LDAH: variants seen among roughly 807,000 people sequenced by gnomAD.
LDAH encodes lipid droplet-associated hydrolase.
LDAH carries 26 observed loss-of-function variants against 29.6 expected under a neutral mutation model. That is an observed-to-expected ratio of 0.88 (90% CI 0.64 to 1.22). LDAH has a LOEUF of 1.22. Ranked by LOEUF, LDAH falls within the 50% of genes most tolerant of loss-of-function variation. The pLI, the probability that LDAH is intolerant of heterozygous loss-of-function variation, is 0.00. For missense variants in LDAH, 344 were observed against 387.3 expected (o/e 0.89, Z 0.94); for synonymous variants, 117 against 133.0 (o/e 0.88, Z 0.83).
At chr2:20,733,492 C>T (rs1346240197) in intron 5 of LDAH, among the ~76,000 whole-genome samples, 4 of 151,542 alleles carry the variant, frequency 2.6e-5, no homozygotes, top group African/African-American at 9.7e-5. Flanking sequence ...CTTGACTTCC[C>T]AGGCTCAAGG....
chr2:20,748,161 A>T (rs1345635163), intron 4 of LDAH, among the ~76,000 whole-genome samples: 1 of 152,192 alleles, frequency 6.6e-6, no homozygotes, highest in East Asian at 1.9e-4. Context: ...CTGAAACAAA[A>T]TTATGCCATT....
chr2:20,713,706 G>A (rs187597031), intron 5 of LDAH, among the ~76,000 whole-genome samples: 7 of 151,682 alleles, frequency 4.6e-5, no homozygotes, highest in Non-Finnish European at 8.8e-5. Context: ...CAAGCAAATG[G>A]AAAGCAAAAA....
chr2:20,771,738 A>AC (rs1669440404), intron 4 of LDAH, among the ~76,000 whole-genome samples: 1 of 151,808 alleles, frequency 6.6e-6, no homozygotes, highest in Admixed American at 6.6e-5. Context: ...TGCCCCTCCT[A>AC]CCCCCCAAAA....
intron 5 of LDAH, among the ~76,000 whole-genome samples, chr2:20,704,064 G>C (rs928788249): frequency 6.6e-6 from 1 of 152,146 alleles, no homozygotes; most frequent in Non-Finnish European, 1.5e-5. Flanking sequence ...CCTGATAAGG[G>C]GATGTGTGAA....
chr2:20,705,346 G>A (rs1664227706), intron 5 of LDAH, among the ~76,000 whole-genome samples: 1 of 152,110 alleles, frequency 6.6e-6, no homozygotes, highest in Admixed American at 6.6e-5. Flanking sequence ...GAATCCTGAA[G>A]TTTCATAGGA....
At chr2:20,740,633 A>C (rs965498578) in intron 4 of LDAH, among the ~76,000 whole-genome samples, 3 of 152,134 alleles carry the variant, frequency 2.0e-5, no homozygotes, top group African/African-American at 7.2e-5. Context: ...TTAATGCTAA[A>C]AAATATCCTA....
chr2:20,683,080 A>T (rs928226151), downstream of LDAH, among the ~76,000 whole-genome samples: 12 of 152,256 alleles, frequency 7.9e-5, no homozygotes, highest in African/African-American at 2.9e-4. Context: ...AGAACCATAG[A>T]ACCACCCAGA....
At chr2:20,700,949 T>C (rs1200769032) in intron 6 of LDAH, among the ~76,000 whole-genome samples, 2 of 152,150 alleles carry the variant, frequency 1.3e-5, no homozygotes, top group Non-Finnish European at 2.9e-5. Context: ...TCTGTCCTAC[T>C]CAGAACGGAC....
Position 20,801,149 on chromosome 2 carries a change from A to T in LDAH, c.154+161T>A, listed in dbSNP as rs574379238. ...TAAATACATAGAAGAAAAACACAAA[A>T]TCCAGACGTCAAAATATTAAGGGTG... On this transcript the variant is annotated intron_variant, in intron 2 of 6. Transcript: ENST00000237822. 8.7e-5 allele frequency: 59 copies of T among 677,998 alleles called. No homozygotes were observed. The African/African-American group carries it at 9.8e-4, about 11-fold the overall frequency. The allele number at this position is 677,998 out of a possible 1,614,324, so 42.0% of individuals were successfully genotyped here. A position where few individuals can be genotyped will look rare whatever the true frequency, so the allele number is the denominator to read the frequency against.
At chr2:20,749,984 C>T (rs530004936) in intron 4 of LDAH, among the ~76,000 whole-genome samples, 1 of 151,482 alleles carries the variant, frequency 6.6e-6, no homozygotes, top group Admixed American at 6.6e-5. Flanking sequence ...CAGCAATAAC[C>T]GAAATTTAGT....
At chr2:20,714,248 C>T (rs1462509120) in intron 5 of LDAH, among the ~76,000 whole-genome samples, 1 of 152,196 alleles carries the variant, frequency 6.6e-6, no homozygotes, top group Non-Finnish European at 1.5e-5. Context: ...CACACAACTA[C>T]ATGGAAACTG....
At chr2:20,801,600 A>AT (rs1671668179) in intron 1 of LDAH, 135 bp from the exon 2 acceptor site, 2 of 706,872 alleles carry the variant, frequency 2.8e-6, no homozygotes, top group Non-Finnish European at 2.4e-6. Context: ...CTGGGAAACT[A>AT]TAAGACTATT....
At chr2:20,755,131 G>GTGTT (rs1167548907) in intron 4 of LDAH, among the ~76,000 whole-genome samples, 1 of 70,082 alleles carries the variant, frequency 1.4e-5, no homozygotes, top group Admixed American at 1.7e-4. Context: ...GTCTGTGTTT[G>GTGTT]TGTGTGTGTG....
chr2:20,731,110 G>A (rs535997498), intron 5 of LDAH, among the ~76,000 whole-genome samples: 2 of 152,302 alleles, frequency 1.3e-5, no homozygotes, highest in African/African-American at 4.8e-5. Context: ...TAGCAACTAT[G>A]TTTAATATGC....
intron 3 of LDAH, among the ~76,000 whole-genome samples, chr2:20,782,572 TG>T (rs780090907): frequency 3.3e-5 from 5 of 152,200 alleles, no homozygotes; most frequent in Non-Finnish European, 5.9e-5. Context: ...TTTCCTTGTG[TG>T]AGTTTTGGGA....
chr2:20,800,625 ATTTTTTATTTTTTT>A, intron 2 of LDAH, among the ~76,000 whole-genome samples: 1 of 135,608 alleles, frequency 7.4e-6, no homozygotes, highest in Non-Finnish European at 1.6e-5. Context: ...TTATTTTTTT[ATTTTTTATTTTTTT>A]AAATATTTTT....
intron 4 of LDAH, among the ~76,000 whole-genome samples, chr2:20,774,046 A>C (rs1180786756): frequency 6.6e-6 from 1 of 152,230 alleles, no homozygotes; most frequent in Non-Finnish European, 1.5e-5. Context: ...AACATAGCAC[A>C]GGATCTGACA....
intron 2 of LDAH, among the ~76,000 whole-genome samples, chr2:20,791,117 C>T (rs886386727): frequency 8.5e-5 from 13 of 152,178 alleles, no homozygotes; most frequent in Admixed American, 7.9e-4. Context: ...CTCTGGAGCA[C>T]TGATGTAAAT....
At chr2:20,772,697 C>T (rs1669514170) in intron 4 of LDAH, among the ~76,000 whole-genome samples, 1 of 152,190 alleles carries the variant, frequency 6.6e-6, no homozygotes, top group African/African-American at 2.4e-5. Flanking sequence ...TTTTCATCTG[C>T]TAGCAGGCTG....
Sources: allele counts gnomAD v4.1 joint callset (sites outside exome capture counted in the v4.1 genomes callset), GRCh38; gene constraint gnomAD v4.1.1; transcripts MANE v1.5; gene names NCBI Gene and HGNC (gene_info 2026-07-23, HGNC 2026-07-21).